Variants in ERICH1 observed in about 807,000 individuals in gnomAD.
The protein encoded by ERICH1 is glutamate rich 1.
In ERICH1, 56 loss-of-function variants were observed where a neutral mutation model predicts 39.6. That is an observed-to-expected ratio of 1.41 (90% CI 1.14 to 1.77). The LOEUF is 1.77. Among genes scored for constraint, ERICH1 ranks in the 40% most tolerant of loss-of-function variants. The probability of loss-of-function intolerance (pLI) is 0.00; values close to 1 mark genes in which losing one functional copy is unlikely to be tolerated. For synonymous variants in ERICH1, 313 were observed against 223.6 expected (o/e 1.40, Z -3.57); for missense variants, 826 against 575.4 (o/e 1.44, Z -4.45).
In ERICH1 at chr8:644,790, G is replaced by A. The variant is rs1479778343; in HGVS notation, c.976+23808C>T. ...TTCTCTCCCTGCAGCAGGTCTTGGG[G>A]CTCCTAAGTGGACCTGGGGTGAGTG... is the stretch of plus-strand genomic sequence containing the variant. On this transcript the variant is annotated intron_variant, in intron 3 of 3. Coordinates refer to the ERICH1 transcript ENST00000522706. Among the ~76,000 whole-genome samples, 2 of 68,134 alleles carry A rather than the reference G, an allele frequency of 2.9e-5. 1 individual carries two copies. The highest frequency in any genetic ancestry group is 2.5e-4 in the Admixed American group (2 of 7,932). The allele number at this position is 68,134 out of a possible 152,430, so 44.7% of individuals were successfully genotyped here.
intron 3 of ERICH1, among the ~76,000 whole-genome samples, chr8:630,473 G>T: frequency 8.2e-6 from 1 of 121,536 alleles, no homozygotes; most frequent in East Asian, 2.8e-4. Context: ...CAGACAGACA[G>T]AGCTGACACA....
chr8:628,403 C>T (rs1025026089), intron 3 of ERICH1, among the ~76,000 whole-genome samples: 1 of 152,234 alleles, frequency 6.6e-6, no homozygotes, highest in African/African-American at 2.4e-5. Context: ...ATCTCATAAA[C>T]AGGACCGCTG....
At chr8:712,962 C>G (rs1001712755) in intron 2 of ERICH1, among the ~76,000 whole-genome samples, 3 of 152,210 alleles carry the variant, frequency 2.0e-5, no homozygotes, top group Non-Finnish European at 4.4e-5. Flanking sequence ...CTACAAAGCC[C>G]CACAGACTGG....
intron 3 of ERICH1, among the ~76,000 whole-genome samples, chr8:637,360 G>C (rs954399355): frequency 6.6e-6 from 1 of 152,202 alleles, no homozygotes; most frequent in Non-Finnish European, 1.5e-5. Context: ...CGGCTCCTGG[G>C]CTACACGTTC....
chr8:657,394 G>A (rs756444889), intron 3 of ERICH1, among the ~76,000 whole-genome samples: 12 of 152,032 alleles, frequency 7.9e-5, no homozygotes, highest in African/African-American at 1.4e-4. Context: ...AGGTTATCTC[G>A]GGGTTGGCAT....
chr8:665,569 A>T (rs1802081439), intron 5 of ERICH1, among the ~76,000 whole-genome samples: 1 of 152,240 alleles, frequency 6.6e-6, no homozygotes, highest in African/African-American at 2.4e-5. Flanking sequence ...AACAGTCAGG[A>T]TGATAAAAAT....
intron 3 of ERICH1, among the ~76,000 whole-genome samples, chr8:616,954 C>T (rs375728440): frequency 7.8e-5 from 1 of 12,846 alleles, no homozygotes; most frequent in African/African-American, 1.1e-3. Flanking sequence ...GAGAGGGAGA[C>T]AGAGACACAC....
chr8:667,852 C>T (rs1802511089), intron 5 of ERICH1: 1 of 152,752 alleles, frequency 6.5e-6, no homozygotes, highest in African/African-American at 2.4e-5. Flanking sequence ...GAAACTCCCT[C>T]CACAAAATCT....
intron 3 of ERICH1, among the ~76,000 whole-genome samples, chr8:630,888 CACAG>C (rs1334095230): frequency 9.6e-6 from 1 of 104,270 alleles, no homozygotes; most frequent in Non-Finnish European, 2.3e-5. Flanking sequence ...TGTGACCACC[CACAG>C]ACAGAGCTGA....
Position 731,176 on chromosome 8 carries a change from C to T in ERICH1, c.-15G>A, listed in dbSNP as rs758822856. ...TGCGCCGCCATGCGGGACCCTGCCG[C>T]GGACCTCAGACCACGGCGCGCGGTC... is the stretch of plus-strand genomic sequence containing the variant. On this transcript the variant is annotated 5_prime_UTR_variant, in exon 1 of 6. Transcript: ENST00000262109. 56 of 1,503,992 alleles carry T rather than the reference C, an allele frequency of 3.7e-5. No homozygotes were observed. In the South Asian group the frequency reaches 6.5e-4, roughly 17 times the overall value. The allele number at this position is 1,503,992 out of a possible 1,614,324, so 93.2% of individuals were successfully genotyped here. A position where few individuals can be genotyped will look rare whatever the true frequency, so the allele number is the denominator to read the frequency against.
intron 2 of ERICH1, among the ~76,000 whole-genome samples, chr8:713,580 T>C (rs959688777): frequency 6.6e-6 from 1 of 152,092 alleles, no homozygotes. Context: ...GTGGCACTCA[T>C]CACATCGCAG....
At chr8:718,059 G>C (rs1816433352) in intron 1 of ERICH1, among the ~76,000 whole-genome samples, 1 of 152,148 alleles carries the variant, frequency 6.6e-6, no homozygotes, top group African/African-American at 2.4e-5. Flanking sequence ...TCAGCGTTTG[G>C]ATCAGAGCGC....
intron 3 of ERICH1, among the ~76,000 whole-genome samples, chr8:655,555 G>C (rs1336050833): frequency 2.6e-5 from 4 of 152,174 alleles, no homozygotes; most frequent in Non-Finnish European, 5.9e-5. Flanking sequence ...CCCAGGGGCC[G>C]AGTGGATCAC....
At chr8:709,927 G>C (rs904771869) in intron 2 of ERICH1, among the ~76,000 whole-genome samples, 1 of 152,110 alleles carries the variant, frequency 6.6e-6, no homozygotes, top group African/African-American at 2.4e-5. Context: ...CTTTAGGTAG[G>C]TTAGAACAAA....
At chr8:666,644 TCC>T (rs200364697) in intron 5 of ERICH1, 1 of 152,474 alleles carries the variant, frequency 6.6e-6, no homozygotes, top group East Asian at 1.9e-4. Flanking sequence ...CTGATCTCTC[TCC>T]TCCCTGCACT....
At chr8:668,345 T>G (rs577502590) in intron 5 of ERICH1, 2 of 537,446 alleles carry the variant, frequency 3.7e-6, no homozygotes, top group East Asian at 6.4e-5. Context: ...AAAATTTGGC[T>G]CCAAGAGTTG....
chr8:699,921 C>CCACACAGG (rs1811446878), intron 2 of ERICH1, among the ~76,000 whole-genome samples: 1 of 127,496 alleles, frequency 7.8e-6, no homozygotes, highest in Non-Finnish European at 1.6e-5. Context: ...GCGCACAGGC[C>CCACACAGG]CGCACAGGCG....
chr8:616,769 A>T (rs139654149), intron 3 of ERICH1, among the ~76,000 whole-genome samples: 4,865 of 45,386 alleles, frequency 0.11, 153 homozygotes, highest in Middle Eastern at 0.17. Flanking sequence ...AGAGGAAGAC[A>T]GAGAGAGGGA....
chr8:694,645 G>A (rs1415686792), intron 2 of ERICH1, among the ~76,000 whole-genome samples: 2 of 152,252 alleles, frequency 1.3e-5, no homozygotes, highest in Non-Finnish European at 2.9e-5. Flanking sequence ...GCAGACAGGA[G>A]CACCACGAGG....
Sources: gnomAD v4.1 joint callset for allele counts (sites outside exome capture counted in the v4.1 genomes callset) on GRCh38, gnomAD v4.1.1 for gene constraint, MANE v1.5 for transcripts, NCBI Gene and HGNC (gene_info 2026-07-23, HGNC 2026-07-21) for gene names.